Variants in CIMIP7 observed in about 807,000 individuals in gnomAD.
CIMIP7 encodes the protein uncharacterized protein C3orf84.
the CIMIP7 span, among the ~76,000 whole-genome samples, chr3:49,186,472 C>T: frequency 1.3e-5 from 2 of 151,122 alleles, no homozygotes; most frequent in African/African-American, 2.4e-5. Context: ...GGTGCGATCG[C>T]GGCTCACTGC....
At chr3:49,177,730 G>A in the CIMIP7 span, 1 of 1,609,642 alleles carries the variant, frequency 6.2e-7, no homozygotes, top group Non-Finnish European at 8.5e-7. Flanking sequence ...TGGGATCCCT[G>A]GGAGGTCAGG....
At chr3:49,180,102 GTC>G in the CIMIP7 span, among the ~76,000 whole-genome samples, 1 of 152,156 alleles carries the variant, frequency 6.6e-6, no homozygotes, top group Admixed American at 6.5e-5. Context: ...GTGAAACCCC[GTC>G]TCTACTAAAA....
At chr3:49,188,394 G>C in the CIMIP7 span, among the ~76,000 whole-genome samples, 113 of 152,296 alleles carry the variant, frequency 7.4e-4, no homozygotes, top group African/African-American at 2.6e-3. Flanking sequence ...CTTCTACCCA[G>C]TTGTTGCTCC....
At chr3:49,189,961 T>G in the CIMIP7 span, 1 of 1,201,498 alleles carries the variant, frequency 8.3e-7, no homozygotes, top group African/African-American at 1.5e-5. Context: ...GATGATGCTT[T>G]TGGGTTCTGG....
chr3:49,183,080 C>G, the CIMIP7 span, among the ~76,000 whole-genome samples: 1 of 152,192 alleles, frequency 6.6e-6, no homozygotes, highest in Non-Finnish European at 1.5e-5. Context: ...CAGCGGCGGG[C>G]TGAAGGGCTC....
the CIMIP7 span, chr3:49,178,369 C>T: frequency 3.1e-6 from 3 of 960,234 alleles, no homozygotes; most frequent in African/African-American, 4.8e-5. Flanking sequence ...ACTCCTCTGC[C>T]TTCATAAGGA....
At chr3:49,188,879 C>A in the CIMIP7 span, among the ~76,000 whole-genome samples, 1 of 152,072 alleles carries the variant, frequency 6.6e-6, no homozygotes, top group African/African-American at 2.4e-5. Flanking sequence ...CTCACTGCAA[C>A]TTCTGCCTCC....
the CIMIP7 span, among the ~76,000 whole-genome samples, chr3:49,191,471 A>G: frequency 6.6e-6 from 1 of 152,208 alleles, no homozygotes; most frequent in Non-Finnish European, 1.5e-5. Context: ...GGGAGGCTCA[A>G]ACAATTAACT....
At chr3:49,181,880 A>T in the CIMIP7 span, among the ~76,000 whole-genome samples, 10 of 152,202 alleles carry the variant, frequency 6.6e-5, no homozygotes, top group African/African-American at 2.4e-4. Context: ...AACAGTTCTT[A>T]AAGGCGGCAT....
At chr3:49,182,159 C>G in the CIMIP7 span, among the ~76,000 whole-genome samples, 1 of 152,306 alleles carries the variant, frequency 6.6e-6, no homozygotes, top group South Asian at 2.1e-4. Flanking sequence ...AGATTTATTG[C>G]AAGGAGTGAA....
At chr3:49,188,060 G>C in the CIMIP7 span, among the ~76,000 whole-genome samples, 1 of 152,182 alleles carries the variant, frequency 6.6e-6, no homozygotes, top group African/African-American at 2.4e-5. Context: ...CAAACATACA[G>C]CAGGAAGTCT....
the CIMIP7 span, chr3:49,191,671 C>T: frequency 6.6e-7 from 1 of 1,512,328 alleles, no homozygotes; most frequent in Non-Finnish European, 9.1e-7. Context: ...TTTCACTTCA[C>T]CGGCATGACT....
At chr3:49,181,919 G>A in the CIMIP7 span, among the ~76,000 whole-genome samples, 2 of 152,144 alleles carry the variant, frequency 1.3e-5, no homozygotes, top group African/African-American at 2.4e-5. Flanking sequence ...CTGACGTTCG[G>A]ATGTGTTCCC....
the CIMIP7 span, among the ~76,000 whole-genome samples, chr3:49,179,865 C>T: frequency 6.0e-3 from 915 of 152,244 alleles, 10 homozygotes; most frequent in African/African-American, 0.021. Context: ...AGGCTGGGCA[C>T]GGTGGCTCAC....
chr3:49,181,455 G>A, the CIMIP7 span, among the ~76,000 whole-genome samples: 111,239 of 151,864 alleles, frequency 0.73, 41,264 homozygotes, highest in East Asian at 0.99. Context: ...GTTCAAGACC[G>A]GCCTGGGCAG....
the CIMIP7 span, among the ~76,000 whole-genome samples, chr3:49,185,389 A>T: frequency 1.3e-5 from 2 of 151,152 alleles, no homozygotes; most frequent in Non-Finnish European, 2.9e-5. Context: ...ATATGGTGAA[A>T]CCCTGTCTCT....
chr3:49,191,039 T>C, the CIMIP7 span, among the ~76,000 whole-genome samples: 1 of 152,168 alleles, frequency 6.6e-6, no homozygotes, highest in Non-Finnish European at 1.5e-5. Flanking sequence ...AGAAAGGGGC[T>C]GTACTGTGCT....
At chr3:49,190,814 G>A in the CIMIP7 span, among the ~76,000 whole-genome samples, 14 of 151,658 alleles carry the variant, frequency 9.2e-5, no homozygotes, top group African/African-American at 2.9e-4. Flanking sequence ...GATTACAGGC[G>A]CCCGCCACCA....
the CIMIP7 span, chr3:49,189,977 G>T: frequency 7.2e-7 from 1 of 1,396,320 alleles, no homozygotes. Flanking sequence ...TCTGGGAGAG[G>T]CAAGAACTGG....
Sources: gnomAD v4.1 joint callset for allele counts (sites outside exome capture counted in the v4.1 genomes callset) on GRCh38, gnomAD v4.1.1 for gene constraint, MANE v1.5 for transcripts, NCBI Gene and HGNC (gene_info 2026-07-23, HGNC 2026-07-21) for gene names.